Variants in CENPN observed in about 807,000 individuals in gnomAD.
CENPN encodes interphase centromere complex protein 32.
A neutral mutation model predicts 48.6 loss-of-function variants in CENPN; 36 were observed. The ratio of observed to expected loss-of-function variants is 0.74; its 90% CI spans 0.57 to 0.98. The LOEUF is 0.98. Among genes scored for constraint, CENPN ranks in the 50% least tolerant of loss-of-function variants. The probability of loss-of-function intolerance (pLI) is 0.00; values close to 1 mark genes in which losing one functional copy is unlikely to be tolerated. For synonymous variants in CENPN, 166 were observed against 135.2 expected (o/e 1.23, Z -1.58); for missense variants, 439 against 399.2 (o/e 1.10, Z -0.85).
At chr16:81,022,536 C>T in intron 6 of CENPN, 61 bp from the exon 7 acceptor site, 2 of 1,377,260 alleles carry the variant, frequency 1.5e-6, no homozygotes, top group South Asian at 2.4e-5. Context: ...TTTACTTTGA[C>T]AAGTATTATA....
At chr16:81,026,087 GTGTA>G (rs749398709) in intron 8 of CENPN, among the ~76,000 whole-genome samples, 23 of 145,196 alleles carry the variant, frequency 1.6e-4, no homozygotes, top group Non-Finnish European at 3.0e-4. Context: ...GTGTGTGTGT[GTGTA>G]TATATATGTG....
At chr16:81,023,747 G>A (rs1970323989) in intron 7 of CENPN, 1 of 152,090 alleles carries the variant, frequency 6.6e-6, no homozygotes, top group Non-Finnish European at 1.5e-5. Context: ...GACCAGCTTG[G>A]GCAATATGGC....
intron 7 of CENPN, 139 bp downstream of exon 7, chr16:81,022,837 A>G (rs141308961): frequency 2.4e-4 from 392 of 1,613,188 alleles, no homozygotes; most frequent in Non-Finnish European, 3.2e-4. Context: ...GCTTGCAATT[A>G]GTGAACATGA....
Position 81,030,384 on chromosome 16 carries a change from T to C in CENPN, c.*1733T>C. Reference sequence around the variant, plus strand: ...TTCTCCTAGTGTACTCTCACACTTCTGATACCAGATATGTGGGGGAGGGGG... The same window carrying C: ...TTCTCCTAGTGTACTCTCACACTTCCGATACCAGATATGTGGGGGAGGGGG... On this transcript the variant is annotated 3_prime_UTR_variant, in exon 11 of 11. Coordinates refer to ENST00000305850, the MANE Select transcript of CENPN (RefSeq NM_001100624.3). 2 of 985,246 alleles carry C rather than the reference T, an allele frequency of 2.0e-6. No homozygotes were observed. The highest frequency in any genetic ancestry group is 2.4e-6 in the Non-Finnish European group (2 of 829,836). 61.0% of individuals were successfully genotyped at this position (985,246 alleles called of 1,614,324 possible).
At chr16:81,014,800 G>A (rs1969872825) in intron 3 of CENPN, among the ~76,000 whole-genome samples, 1 of 152,192 alleles carries the variant, frequency 6.6e-6, no homozygotes, top group Admixed American at 6.5e-5. Flanking sequence ...ACTTACAACA[G>A]CTCAACTTAA....
intron 3 of CENPN, 74 bp from the exon 4 acceptor site, chr16:81,017,252 A>G: frequency 2.0e-6 from 2 of 979,170 alleles, no homozygotes; most frequent in South Asian, 1.4e-5. Context: ...GTTTTAAAGT[A>G]TAGAAATATC....
At chr16:81,014,375 T>C in intron 3 of CENPN, 194 bp downstream of exon 3, 1 of 578,090 alleles carries the variant, frequency 1.7e-6, no homozygotes, top group South Asian at 2.0e-5. Context: ...GCTGGGACTA[T>C]AGCAGTGCAC....
chr16:81,028,105 C>T, intron 9 of CENPN, 66 bp from the exon 10 acceptor site: 5 of 1,211,468 alleles, frequency 4.1e-6, no homozygotes, highest in Non-Finnish European at 6.0e-6. Context: ...ATTATGATTT[C>T]ATTATATTTT....
intron 7 of CENPN, chr16:81,023,207 GT>G (rs1170863846): frequency 1.8e-5 from 5 of 274,990 alleles, no homozygotes; most frequent in Non-Finnish European, 3.5e-5. Flanking sequence ...ATGCAGGGGT[GT>G]TTTTTCAAAC....
chr16:81,029,425 G>A lies in CENPN; in HGVS notation c.*774G>A, dbSNP rs1970666150. The A allele has an allele frequency of 4.4e-6, 2 of 451,548 alleles. No homozygotes were observed. Among genetic ancestry groups the A allele is most frequent in the Non-Finnish European group, 5.8e-6 (2 of 342,552 alleles). 28.0% of individuals were successfully genotyped at this position (451,548 alleles called of 1,614,324 possible). On this transcript the variant is annotated 3_prime_UTR_variant, in exon 11 of 11. Transcript: ENST00000305850. The stretch of plus-strand genomic sequence containing the variant: ...TTTCTTTATTTATTTATTGAGACAG[G>A]GTCTCACTGTGTCACCCAAGCTGGA...
At position 81,020,237 on chromosome 16, in the gene CENPN, C is replaced by G; in HGVS notation, c.492C>G (p.Ser164=). The part of the protein sequence containing the change: ...YYSQTPYAFT[S]SSMLRRNTPL... ...CCCAGACTCCGTACGCCTTCACGTCCTCCTCCATGCTGAGGCGCAATACAC... is the reference window on the plus strand; with the variant it reads ...CCCAGACTCCGTACGCCTTCACGTCGTCCTCCATGCTGAGGCGCAATACAC... Residue 164 remains serine, a synonymous_variant, in exon 6 of 11, where the codon TCC becomes TCG. Transcript: ENST00000305850. The G allele has an allele frequency of 6.2e-7, 1 of 1,613,828 alleles. No individual in the cohort carries two copies. Among genetic ancestry groups the G allele is most frequent in the African/African-American group, 1.3e-5 (1 of 75,014 alleles).
At chr16:81,008,748 A>G (rs957362827) in intron 1 of CENPN, among the ~76,000 whole-genome samples, 1 of 152,236 alleles carries the variant, frequency 6.6e-6, no homozygotes, top group African/African-American at 2.4e-5. Flanking sequence ...AGTATTTATC[A>G]AAGACACATT....
At chr16:81,027,286 A>C (rs1378480757) in intron 9 of CENPN, among the ~76,000 whole-genome samples, 1 of 152,012 alleles carries the variant, frequency 6.6e-6, no homozygotes, top group Non-Finnish European at 1.5e-5. Flanking sequence ...AACCCAGGAG[A>C]CTGAGACCAG....
At chr16:81,026,951 T>A (rs1454467934) in intron 9 of CENPN, among the ~76,000 whole-genome samples, 1 of 151,606 alleles carries the variant, frequency 6.6e-6, no homozygotes, top group East Asian at 1.9e-4. Flanking sequence ...CCACCTCACC[T>A]GGCTAATTTT....
chr16:81,029,923 C>T lies in CENPN; in HGVS notation c.*1272C>T, dbSNP rs906327898. 3.3e-5 allele frequency among the ~76,000 whole-genome samples: 5 copies of T among 152,192 alleles called. No homozygotes were observed. The highest frequency in any genetic ancestry group is 7.2e-5 in the African/African-American group (3 of 41,440). On this transcript the variant is annotated 3_prime_UTR_variant, in exon 11 of 11. Coordinates refer to ENST00000305850, the MANE Select transcript of CENPN (RefSeq NM_001100624.3). ...CTGGGTAATTCACAAAGGAAAGAGG[C>T]TTAACTGACGCACATTTCCACGTGG...
Position 81,028,905 on chromosome 16 carries a change from C to A in CENPN, c.*254C>A, listed in dbSNP as rs1970640351. On this transcript the variant is annotated 3_prime_UTR_variant, in exon 11 of 11. Transcript: ENST00000305850. ...GGACATATATATATATGGCCCCACA[C>A]TTGACCTTGAGTGCCTGAATGCTCT... The A allele has an allele frequency of 1.7e-6, 2 of 1,150,396 alleles. No individual in the cohort carries two copies. Among genetic ancestry groups the A allele is most frequent in the African/African-American group, 3.2e-5 (2 of 61,832 alleles). The allele number at this position is 1,150,396 out of a possible 1,614,324, so 71.3% of individuals were successfully genotyped here. A position where few individuals can be genotyped will look rare whatever the true frequency, so the allele number is the denominator to read the frequency against.
downstream of CENPN, chr16:81,032,712 A>G (rs142587207): frequency 4.4e-6 from 7 of 1,594,720 alleles, no homozygotes; most frequent in African/African-American, 9.5e-5. Flanking sequence ...ATGTCACAAC[A>G]TTTAGACATT....
intron 6 of CENPN, among the ~76,000 whole-genome samples, chr16:81,021,148 CAT>C (rs1212496789): frequency 2.0e-5 from 3 of 151,814 alleles, no homozygotes; most frequent in Non-Finnish European, 4.4e-5. Context: ...GAATATACCT[CAT>C]TACTTTTTCA....
intron 10 of CENPN, 105 bp downstream of exon 10, chr16:81,028,402 G>C: frequency 6.7e-7 from 1 of 1,499,246 alleles, no homozygotes; most frequent in South Asian, 1.2e-5. Flanking sequence ...ACCCTAGTCT[G>C]CTAGCCCATC....
Sources: allele counts gnomAD v4.1 joint callset (sites outside exome capture counted in the v4.1 genomes callset), GRCh38; gene constraint gnomAD v4.1.1; transcripts MANE v1.5; gene names NCBI Gene and HGNC (gene_info 2026-07-23, HGNC 2026-07-21).